The following B3GAT1 variants were observed in gnomAD, a reference collection of about 807,000 sequenced individuals.
B3GAT1 encodes galactosylgalactosylxylosylprotein 3-beta-glucuronosyltransferase 1.
In B3GAT1, 11 loss-of-function variants were observed where a neutral mutation model predicts 28.4. That is an observed-to-expected ratio of 0.39 (90% CI 0.24 to 0.64). B3GAT1 has a LOEUF of 0.64. Among genes scored for constraint, B3GAT1 ranks in the 30% least tolerant of loss-of-function variants. B3GAT1 has a pLI of 0.50. For missense variants in B3GAT1, 375 were observed against 491.0 expected (o/e 0.76, Z 2.23); for synonymous variants, 255 against 223.1 (o/e 1.14, Z -1.27).
intron 1 of B3GAT1, among the ~76,000 whole-genome samples, chr11:134,405,941 C>T (rs577251935): frequency 4.7e-4 from 71 of 152,354 alleles, no homozygotes; most frequent in African/African-American, 1.7e-3. Flanking sequence ...AGGGTCCCTC[C>T]CTCTGGCCTC....
At chr11:134,404,910 G>A (rs903210525) in intron 1 of B3GAT1, among the ~76,000 whole-genome samples, 10 of 152,252 alleles carry the variant, frequency 6.6e-5, no homozygotes, top group Admixed American at 2.0e-4. Flanking sequence ...CTTCAGCCCA[G>A]GCAGGCTGGC....
rs1368410444 is a variant in B3GAT1 at position 134,387,570 on chromosome 11, T to A, written c.90A>T (p.Ala30=). 2.5e-6 allele frequency: 4 copies of A among 1,613,802 alleles called. No homozygotes were observed. In the Admixed American group the frequency reaches 6.7e-5, roughly 27 times the overall value. Residue 30 remains alanine, a synonymous_variant, in exon 2 of 6, where the codon GCA becomes GCT. Transcript: ENST00000312527. ...LITVWHQSTL[A]PLLAVHKDEG... ...CACCCTTATGTACCGCGAGCAGGGG[T>A]GCGAGGGTGCTCTGGTGCCAGACAG...
Position 134,384,167 on chromosome 11 carries a change from C to A in B3GAT1, c.134G>T (p.Arg45Leu). 1 of 1,547,482 alleles carries A rather than the reference C, an allele frequency of 6.5e-7. No homozygotes were observed. Among genetic ancestry groups the A allele is most frequent in the South Asian group, 1.2e-5 (1 of 82,832 alleles). ...GGGGTCGGCGCCGGGCGGCGTTTCG[C>A]GTCGGGGGTCACTGCCCTCATCTGC... ...VHKDEGSDPR[R>L]ETPPGADPRE... is the part of the protein sequence containing the mutation. Residue 45 changes from arginine (R) to leucine (L), a missense_variant, in exon 3 of 6, where the codon CGC becomes CTC. By Grantham distance (102) the Arg-to-Leu change is moderately radical (BLOSUM62 -2). Coordinates refer to ENST00000312527, the MANE Select transcript of B3GAT1 (RefSeq NM_054025.3).
At chr11:134,394,486 C>A (rs1463709809) in intron 1 of B3GAT1, among the ~76,000 whole-genome samples, 1 of 152,250 alleles carries the variant, frequency 6.6e-6, no homozygotes, top group Non-Finnish European at 1.5e-5. Context: ...TCGTGCCCAC[C>A]CACTGGGCAA....
intron 5 of B3GAT1, 58 bp downstream of exon 5, chr11:134,381,866 T>TCGGC: frequency 1.5e-6 from 2 of 1,367,276 alleles, no homozygotes; most frequent in Non-Finnish European, 2.1e-6. Context: ...GACAGTTGAT[T>TCGGC]CGGCCCAACC....
chr11:134,396,256 C>A (rs371258640), intron 1 of B3GAT1, among the ~76,000 whole-genome samples: 1 of 152,100 alleles, frequency 6.6e-6, no homozygotes, highest in Non-Finnish European at 1.5e-5. Context: ...GTGGGGCTTC[C>A]AAGGATACCT....
In B3GAT1 at chr11:134,393,902, C is replaced by T. The variant is rs1057457818; in HGVS notation, c.-281-5962G>A. Among the ~76,000 whole-genome samples, 8 of 152,198 alleles carry T rather than the reference C, an allele frequency of 5.3e-5. No homozygotes were observed. Among genetic ancestry groups the T allele is most frequent in the African/African-American group, 1.9e-4 (8 of 41,456 alleles). ...AAGAGAGGGAGGGACAGGCTTTGTCCCACAGATCTCCAGGTGCCCCTAATG... is the reference window on the plus strand; with the variant it reads ...AAGAGAGGGAGGGACAGGCTTTGTCTCACAGATCTCCAGGTGCCCCTAATG... On this transcript the variant is annotated intron_variant, in intron 1 of 5. Coordinates refer to ENST00000312527, the MANE Select transcript of B3GAT1 (RefSeq NM_054025.3). This position sits in a 1 kb window ranked among gnomAD's most constrained non-coding sequence, Gnocchi z 4.0.
Position 134,387,819 on chromosome 11 carries a change from G to C in B3GAT1, c.-160C>G, listed in dbSNP as rs1160505082. The C allele has an allele frequency of 2.0e-6, 3 of 1,534,126 alleles. No homozygotes were observed. Among genetic ancestry groups the C allele is most frequent in the Non-Finnish European group, 2.6e-6 (3 of 1,145,428 alleles). On this transcript the variant is annotated 5_prime_UTR_variant, in exon 2 of 6. Transcript: ENST00000312527. Reference sequence around the variant, plus strand: ...CAGAGCAGCTGAATGTTGGCTAGCAGGTCTTACCAGCACTCACAACCCACC... The same window carrying C: ...CAGAGCAGCTGAATGTTGGCTAGCACGTCTTACCAGCACTCACAACCCACC...
chr11:134,407,386 C>T (rs910659426), intron 1 of B3GAT1, among the ~76,000 whole-genome samples: 1 of 152,216 alleles, frequency 6.6e-6, no homozygotes, highest in African/African-American at 2.4e-5. Context: ...CACGCCGTGC[C>T]GTCATGTCTC....
chr11:134,402,536 T>C (rs1944639052), intron 1 of B3GAT1, among the ~76,000 whole-genome samples: 1 of 152,116 alleles, frequency 6.6e-6, no homozygotes. Flanking sequence ...CTCCCTCTGT[T>C]ACACCTGCCC....
At chr11:134,409,165 G>A (rs1752877957) in intron 1 of B3GAT1, among the ~76,000 whole-genome samples, 2 of 152,216 alleles carry the variant, frequency 1.3e-5, no homozygotes, top group Admixed American at 1.3e-4. Flanking sequence ...GGCTTAGAGA[G>A]CTCTGTTTTT....
In B3GAT1 at chr11:134,393,922, CTAA is replaced by C. The variant is rs1345617180; in HGVS notation, c.-281-5985_-281-5983del. Among the ~76,000 whole-genome samples the C allele has an allele frequency of 6.6e-6, 1 of 152,230 alleles. No individual in the cohort carries two copies. The highest frequency in any genetic ancestry group is 1.5e-5 in the Non-Finnish European group (1 of 68,040). On this transcript the variant is annotated intron_variant, in intron 1 of 5. Coordinates refer to ENST00000312527, the MANE Select transcript of B3GAT1 (RefSeq NM_054025.3). The surrounding 1 kb of genome is among the most constrained non-coding windows in gnomAD (Gnocchi z 4.0). Reference sequence around the variant, plus strand: ...TTGTCCCACAGATCTCCAGGTGCCCCTAATGGGATCAGCGGATTAGTATTGATT... The same window carrying C: ...TTGTCCCACAGATCTCCAGGTGCCCCTGGGATCAGCGGATTAGTATTGATT...
At chr11:134,402,230 G>C (rs755214854) in intron 1 of B3GAT1, among the ~76,000 whole-genome samples, 1 of 152,162 alleles carries the variant, frequency 6.6e-6, no homozygotes, top group African/African-American at 2.4e-5. Flanking sequence ...GAGTCAAGTC[G>C]CGGGTATGCC....
intron 1 of B3GAT1, among the ~76,000 whole-genome samples, chr11:134,399,091 C>A (rs1265851625): frequency 6.6e-6 from 1 of 152,158 alleles, no homozygotes; most frequent in Non-Finnish European, 1.5e-5. Context: ...GAGCTGGTGA[C>A]CCCAGAATGG....
Position 134,384,013 on chromosome 11 carries a change from C to T in B3GAT1, c.288G>A (p.Pro96=), listed in dbSNP as rs534927725. 7 of 1,605,136 alleles carry T rather than the reference C, an allele frequency of 4.4e-6. No individual in the cohort carries two copies. The highest frequency in any genetic ancestry group is 2.2e-5 in the East Asian group (1 of 44,800). ...IHVVTPTYSR[P]VQKAELTRMA... ...TGCGCGTCAGCTCGGCCTTCTGCAC[C>T]GGGCGGCTGTAGGTGGGCGTCACCA... The change falls in exon 3 of 6, where the codon CCG becomes CCA. Residue 96 remains proline (P), a synonymous_variant. Coordinates refer to ENST00000312527, the MANE Select transcript of B3GAT1 (RefSeq NM_054025.3).
At chr11:134,400,605 T>G (rs1944594041) in intron 1 of B3GAT1, among the ~76,000 whole-genome samples, 1 of 152,136 alleles carries the variant, frequency 6.6e-6, no homozygotes, top group South Asian at 2.1e-4. Context: ...TATGTGAAAA[T>G]GAACTCAAGA....
At chr11:134,397,268 G>A (rs1944523147) in intron 1 of B3GAT1, among the ~76,000 whole-genome samples, 1 of 152,102 alleles carries the variant, frequency 6.6e-6, no homozygotes, top group East Asian at 1.9e-4. Context: ...CACACTGTCA[G>A]ACCCTCCAAC....
At chr11:134,390,887 C>A (rs1290826955) in intron 1 of B3GAT1, 1 of 152,322 alleles carries the variant, frequency 6.6e-6, no homozygotes, top group Non-Finnish European at 1.5e-5. Context: ...GGGGCACACA[C>A]AGGCCAAATG....
intron 1 of B3GAT1, chr11:134,389,064 T>G (rs779789984): frequency 3.3e-5 from 5 of 152,198 alleles, no homozygotes; most frequent in Non-Finnish European, 7.3e-5. Context: ...TAATTTACAT[T>G]CCCACCAACA....
Sources: allele counts gnomAD v4.1 joint callset (sites outside exome capture counted in the v4.1 genomes callset), GRCh38; gene constraint gnomAD v4.1.1; non-coding constraint Gnocchi (gnomAD v3.1); transcripts MANE v1.5; gene names NCBI Gene and HGNC (gene_info 2026-07-23, HGNC 2026-07-21).